MACROD2: variants seen among roughly 807,000 people sequenced by gnomAD.
MACROD2 encodes the protein ADP-ribose glycohydrolase MACROD2.
MACROD2 carries 36 observed loss-of-function variants against 70.4 expected under a neutral mutation model. The observed-to-expected ratio is 0.51, with a 90% CI of 0.39 to 0.68. The LOEUF (loss-of-function observed/expected upper bound fraction) is 0.68. Ranked by LOEUF, MACROD2 falls within the 30% of genes least tolerant of loss-of-function variation. MACROD2 has a pLI of 0.00. For missense variants in MACROD2, 496 were observed against 538.4 expected (o/e 0.92, Z 0.78); for synonymous variants, 172 against 178.8 (o/e 0.96, Z 0.30).
chr20:14,166,153 T>C (rs892238253), intron 3 of MACROD2, among the ~76,000 whole-genome samples: 3 of 152,178 alleles, frequency 2.0e-5, no homozygotes, highest in African/African-American at 7.2e-5. Context: ...GTCTAATATC[T>C]TTTGTATAAA....
chr20:15,898,725 C>T (rs2065014493), intron 10 of MACROD2, among the ~76,000 whole-genome samples: 1 of 151,930 alleles, frequency 6.6e-6, no homozygotes, highest in Admixed American at 6.6e-5. Flanking sequence ...GCAGATGCCT[C>T]AAAGCAAATA....
At chr20:15,176,974 T>C (rs1191105645) in intron 5 of MACROD2, among the ~76,000 whole-genome samples, 3 of 152,202 alleles carry the variant, frequency 2.0e-5, no homozygotes, top group African/African-American at 7.2e-5. Context: ...GCAGTACATC[T>C]GGTCCAGTTA....
intron 15 of MACROD2, among the ~76,000 whole-genome samples, chr20:15,999,597 C>G (rs1417000100): frequency 6.6e-6 from 1 of 152,110 alleles, no homozygotes; most frequent in Non-Finnish European, 1.5e-5. Flanking sequence ...TATTGTATTG[C>G]TATTTATTTC....
intron 5 of MACROD2, among the ~76,000 whole-genome samples, chr20:14,787,813 A>T (rs2072393637): frequency 6.6e-6 from 1 of 152,056 alleles, no homozygotes; most frequent in Non-Finnish European, 1.5e-5. Context: ...TCTTGTTCGG[A>T]CTATACCTTC....
At chr20:14,109,520 A>T (rs141768970) in intron 3 of MACROD2, among the ~76,000 whole-genome samples, 11 of 152,032 alleles carry the variant, frequency 7.2e-5, no homozygotes, top group Non-Finnish European at 1.3e-4. Flanking sequence ...AGACTAAGAA[A>T]GATAGAAGAC....
chr20:14,924,387 C>T lies in MACROD2; in HGVS notation c.418+239428C>T, dbSNP rs188274932. On this transcript the variant is annotated intron_variant, in intron 5 of 17. Transcript: ENST00000684519. ...CTGGAAGGTGGAGGTTGCTGTGAGC[C>T]GAAATCATGCCACTGCACTCTAGCC... is the stretch of plus-strand genomic sequence containing the variant. 4.1e-3 allele frequency among the ~76,000 whole-genome samples: 613 copies of T among 151,138 alleles called. 2 individuals carry two copies. The highest frequency in any genetic ancestry group is 0.014 in the African/African-American group (579 of 41,154).
At chr20:15,936,430 A>G (rs1203529083) in intron 11 of MACROD2, among the ~76,000 whole-genome samples, 1 of 148,296 alleles carries the variant, frequency 6.7e-6, no homozygotes, top group East Asian at 1.9e-4. Flanking sequence ...CTATATATAT[A>G]CTATATATGT....
rs1236574243 is a variant in MACROD2 at position 14,954,385 on chromosome 20, C to T, written c.418+269426C>T. ...GTAGTAAAATGGGAAAAGGCTGGGACTTGTCATCTGGGTGAACCTGAACAC... is the reference window on the plus strand; with the variant it reads ...GTAGTAAAATGGGAAAAGGCTGGGATTTGTCATCTGGGTGAACCTGAACAC... On this transcript the variant is annotated intron_variant, in intron 5 of 17. Transcript: ENST00000684519. Among the ~76,000 whole-genome samples, 9 of 150,440 alleles carry T rather than the reference C, an allele frequency of 6.0e-5. No individual in the cohort carries two copies. In the South Asian group the frequency reaches 1.7e-3, roughly 28 times the overall value.
chr20:15,022,428 T>C (rs960240167), intron 5 of MACROD2, among the ~76,000 whole-genome samples: 1 of 152,202 alleles, frequency 6.6e-6, no homozygotes, highest in African/African-American at 2.4e-5. Context: ...TAGACTTTGA[T>C]TTTGTATCAT....
chr20:14,459,650 G>T (rs1352128203), intron 3 of MACROD2, among the ~76,000 whole-genome samples: 1 of 151,546 alleles, frequency 6.6e-6, no homozygotes, highest in Admixed American at 6.6e-5. Context: ...TTTACTTTAG[G>T]TTTTTGTTTA....
chr20:14,229,006 G>T (rs903047488), intron 3 of MACROD2, among the ~76,000 whole-genome samples: 1 of 127,792 alleles, frequency 7.8e-6, no homozygotes, highest in Non-Finnish European at 1.7e-5. Flanking sequence ...AAAAAAAAAA[G>T]AAAAGAAAAA....
intron 3 of MACROD2, among the ~76,000 whole-genome samples, chr20:14,274,049 C>T (rs1233051835): frequency 1.3e-5 from 2 of 152,228 alleles, no homozygotes; most frequent in Non-Finnish European, 2.9e-5. Context: ...GATTCACAGC[C>T]GAATTCTACC....
At chr20:15,373,799 T>C (rs2045525516) in intron 6 of MACROD2, among the ~76,000 whole-genome samples, 1 of 152,210 alleles carries the variant, frequency 6.6e-6, no homozygotes, top group South Asian at 2.1e-4. Flanking sequence ...CTTTTTGAAC[T>C]TGAGTCCTCC....
At chr20:14,939,455 C>CT (rs2074371675) in intron 5 of MACROD2, among the ~76,000 whole-genome samples, 1 of 151,972 alleles carries the variant, frequency 6.6e-6, no homozygotes, top group South Asian at 2.1e-4. Flanking sequence ...CTATGTGTCT[C>CT]TTTTTGTCCC....
At chr20:14,444,360 C>T (rs941429406) in intron 3 of MACROD2, among the ~76,000 whole-genome samples, 7 of 152,018 alleles carry the variant, frequency 4.6e-5, no homozygotes, top group African/African-American at 1.2e-4. Flanking sequence ...GACAAATGAT[C>T]GCCATTCCCT....
chr20:14,287,408 A>G (rs905465457), intron 3 of MACROD2, among the ~76,000 whole-genome samples: 4 of 150,838 alleles, frequency 2.7e-5, no homozygotes, highest in African/African-American at 9.7e-5. Context: ...GATGATGATG[A>G]TGATGATCAT....
intron 5 of MACROD2, among the ~76,000 whole-genome samples, chr20:14,739,419 A>G (rs2071706734): frequency 6.6e-6 from 1 of 151,942 alleles, no homozygotes; most frequent in Non-Finnish European, 1.5e-5. Context: ...ATAAAAGATT[A>G]TATATATTAA....
chr20:16,033,294 G>A (rs1474164235), intron 15 of MACROD2, among the ~76,000 whole-genome samples: 2 of 152,040 alleles, frequency 1.3e-5, no homozygotes, highest in African/African-American at 4.8e-5. Context: ...CAAGGAGAAG[G>A]AATAAAAGAA....
At chr20:15,247,622 C>A (rs1265997420) in intron 6 of MACROD2, among the ~76,000 whole-genome samples, 1 of 152,096 alleles carries the variant, frequency 6.6e-6, no homozygotes, top group Admixed American at 6.6e-5. Flanking sequence ...AGGATGGAAG[C>A]TTCGTGTGGT....
Sources: allele counts gnomAD v4.1 joint callset (sites outside exome capture counted in the v4.1 genomes callset), GRCh38; gene constraint gnomAD v4.1.1; transcripts MANE v1.5; gene names NCBI Gene and HGNC (gene_info 2026-07-23, HGNC 2026-07-21).